The following APOL3 variants were observed in gnomAD, a reference collection of about 807,000 sequenced individuals.
The protein encoded by APOL3 is TNF-inducible protein CG12-1.
APOL3 carries 14 observed loss-of-function variants against 11.6 expected under a neutral mutation model. That is an observed-to-expected ratio of 1.21 (90% confidence interval 0.80 to 1.89). The LOEUF is 1.89. APOL3 is among the 40% of genes most tolerant of loss of function. The pLI is 0.00. For missense variants in APOL3, 483 were observed against 492.1 expected, an observed-to-expected ratio of 0.98 and a Z score of 0.17; for synonymous variants, 192 against 190.6, an observed-to-expected ratio of 1.01 and a Z score of -0.06.
chr22:36,142,924 G>T (rs544217261), intron 2 of APOL3, among the ~76,000 whole-genome samples: 1 of 152,312 alleles, frequency 6.6e-6, no homozygotes, highest in South Asian at 2.1e-4. Context: ...CCCACTTGCT[G>T]TCTGAGCATT....
rs532196306 is a variant in APOL3 at position 36,157,922 on chromosome 22, C to T, written c.223+2747G>A. 3.5e-3 allele frequency among the ~76,000 whole-genome samples: 537 copies of T among 152,230 alleles called. 3 individuals carry two copies. Among genetic ancestry groups the T allele is most frequent in the African/African-American group, 0.012 (499 of 41,524 alleles). On this transcript the variant is annotated intron_variant, in intron 1 of 2. Transcript: ENST00000349314. ...AAAATTTGCCAGGTGTGGAGGCACG[C>T]GCCTGTAGTCCTAGCTACTTGGGAG...
intron 2 of APOL3, among the ~76,000 whole-genome samples, chr22:36,144,924 T>A (rs956788048): frequency 1.4e-5 from 2 of 140,204 alleles, no homozygotes; most frequent in African/African-American, 5.4e-5. Context: ...GGCAGGAGAA[T>A]GGCGTGAAAC....
exon 1 of APOL3, chr22:36,160,927 G>A (rs1294096407): frequency 6.3e-7 from 1 of 1,591,890 alleles, no homozygotes; most frequent in Admixed American, 1.7e-5. Flanking sequence ...CCACCCTCCT[G>A]CTGATCCAAG....
chr22:36,153,517 T>C (rs191865306), intron 1 of APOL3: 11 of 411,434 alleles, frequency 2.7e-5, no homozygotes, highest in Middle Eastern at 3.6e-4. Flanking sequence ...TCAGTATAAT[T>C]TCCAGTGGCA....
exon 3 of APOL3, chr22:36,141,695 G>A (rs557711293): frequency 6.2e-7 from 1 of 1,614,092 alleles, no homozygotes; most frequent in Non-Finnish European, 8.5e-7. Flanking sequence ...GCTCCACGAT[G>A]CTGGTGGTGA....
chr22:36,158,840 T>A lies in APOL3; in HGVS notation c.223+1829A>T, dbSNP rs552454008. Among the ~76,000 whole-genome samples, 36 of 152,072 alleles carry A rather than the reference T, an allele frequency of 2.4e-4. No homozygotes were observed. In the South Asian group the frequency reaches 4.8e-3, roughly 20 times the overall value. On this transcript the variant is annotated intron_variant, in intron 1 of 2. Transcript: ENST00000349314. Reference sequence around the variant, plus strand: ...AGAAAAAAAAGACTAATGAATGCGATGCCTCCCTTAAAGAAATGAGGAGGA... The same window carrying A: ...AGAAAAAAAAGACTAATGAATGCGAAGCCTCCCTTAAAGAAATGAGGAGGA...
exon 3 of APOL3, chr22:36,141,973 C>T (rs769790523): frequency 1.9e-6 from 3 of 1,614,078 alleles, no homozygotes; most frequent in East Asian, 2.2e-5. Context: ...CTAAACTGCT[C>T]ATCTTTCTGC....
At chr22:36,163,754 C>T (rs1484996934), upstream of APOL3, among the ~76,000 whole-genome samples, 3 of 152,242 alleles carry the variant, frequency 2.0e-5, no homozygotes, top group Non-Finnish European at 2.9e-5. Flanking sequence ...CTACCTTGAT[C>T]TCAGTGCTGT....
exon 3 of APOL3, chr22:36,141,017 C>G: frequency 6.2e-6 from 5 of 811,792 alleles, no homozygotes; most frequent in Non-Finnish European, 7.8e-6. Flanking sequence ...CTGCCTTCTC[C>G]TTGGTGCACT....
At chr22:36,153,750 C>G (rs1448200397) in intron 1 of APOL3, among the ~76,000 whole-genome samples, 2 of 152,164 alleles carry the variant, frequency 1.3e-5, no homozygotes, top group African/African-American at 4.8e-5. Context: ...TTTATTTTGC[C>G]AAGGTTGAGG....
At chr22:36,149,072 T>G (rs2060330315) in intron 1 of APOL3, 1 of 1,368,288 alleles carries the variant, frequency 7.3e-7, no homozygotes. Context: ...AGCAGCCAGG[T>G]CACTGAGAGA....
At chr22:36,155,101 C>A (rs899983504) in intron 1 of APOL3, among the ~76,000 whole-genome samples, 6 of 152,222 alleles carry the variant, frequency 3.9e-5, no homozygotes, top group African/African-American at 1.4e-4. Context: ...CAGCCCCAGC[C>A]TGGAAACATT....
chr22:36,148,996 T>C (rs780713424), intron 1 of APOL3, 50 bp downstream of exon 2: 1 of 1,362,428 alleles, frequency 7.3e-7, no homozygotes, highest in South Asian at 1.1e-5. Flanking sequence ...CCACCCTCCA[T>C]TCTAGGTGCG....
At chr22:36,157,339 G>T (rs1191890207) in intron 1 of APOL3, among the ~76,000 whole-genome samples, 2 of 152,140 alleles carry the variant, frequency 1.3e-5, no homozygotes, top group Non-Finnish European at 2.9e-5. Context: ...TGCACTTGTT[G>T]TGCCTTAGAA....
At chr22:36,162,932 CTA>C (rs1241383171), upstream of APOL3, among the ~76,000 whole-genome samples, 1 of 152,168 alleles carries the variant, frequency 6.6e-6, no homozygotes, top group African/African-American at 2.4e-5. Flanking sequence ...GATGTTTGTG[CTA>C]TGTTTCGCTG....
chr22:36,157,304 T>C (rs1032718536), intron 1 of APOL3, among the ~76,000 whole-genome samples: 1 of 152,212 alleles, frequency 6.6e-6, no homozygotes, highest in Non-Finnish European at 1.5e-5. Flanking sequence ...CAGGGACTTT[T>C]ACGGGAAAGA....
upstream of APOL3, among the ~76,000 whole-genome samples, chr22:36,163,339 G>T (rs1424633203): frequency 6.6e-6 from 1 of 152,124 alleles, no homozygotes; most frequent in African/African-American, 2.4e-5. Flanking sequence ...GGGAACGAAG[G>T]GTAGGCCCAT....
exon 3 of APOL3, chr22:36,140,923 T>C: frequency 2.4e-6 from 1 of 410,212 alleles, no homozygotes. Context: ...CCCCAATATA[T>C]TCGTTAGTCT....
chr22:36,141,325 G>T, exon 3 of APOL3: 1 of 1,614,182 alleles, frequency 6.2e-7, no homozygotes, highest in South Asian at 1.1e-5. Flanking sequence ...TCATGCAAGT[G>T]CTTTGACTCG....
Sources: gnomAD v4.1 joint callset for allele counts (sites outside exome capture counted in the v4.1 genomes callset) on GRCh38, gnomAD v4.1.1 for gene constraint, MANE v1.5 for transcripts, NCBI Gene and HGNC (gene_info 2026-07-23, HGNC 2026-07-21) for gene names.